The following LRRK1 variants were observed in gnomAD, a reference collection of about 807,000 sequenced individuals.
The protein encoded by LRRK1 is leucine rich repeat kinase 1.
In LRRK1, 113 loss-of-function variants were observed where a neutral mutation model predicts 209.1. The observed-to-expected ratio is 0.54, with a 90% CI of 0.46 to 0.63. LRRK1 has a LOEUF of 0.63. LRRK1 is among the 30% of genes least tolerant of loss of function. The pLI is 0.00. For missense variants in LRRK1, 2,284 were observed against 2,632.2 expected (o/e 0.87, Z 2.89); for synonymous variants, 1,144 against 1,099.7 (o/e 1.04, Z -0.80).
intron 20 of LRRK1, among the ~76,000 whole-genome samples, chr15:101,033,553 A>T (rs552471147): frequency 6.6e-6 from 1 of 152,176 alleles, no homozygotes; most frequent in South Asian, 2.1e-4. Context: ...TATTTCATTT[A>T]ATGTAATGAC....
chr15:100,930,120 G>A (rs910312878), intron 2 of LRRK1, among the ~76,000 whole-genome samples: 1 of 152,224 alleles, frequency 6.6e-6, no homozygotes, highest in African/African-American at 2.4e-5. Flanking sequence ...CCTTTCTGTG[G>A]GCAGCTCTGG....
chr15:101,033,361 C>T (rs915209029), intron 20 of LRRK1, among the ~76,000 whole-genome samples: 2 of 152,136 alleles, frequency 1.3e-5, no homozygotes, highest in Non-Finnish European at 2.9e-5. Flanking sequence ...TGCTATTAAC[C>T]ATTAGAACTT....
intron 24 of LRRK1, among the ~76,000 whole-genome samples, chr15:101,052,527 T>TA (rs1343446063): frequency 2.0e-5 from 3 of 152,302 alleles, no homozygotes; most frequent in South Asian, 4.1e-4. Context: ...AATCTGTTCT[T>TA]AGAGTTTATT....
chr15:101,042,051 C>T (rs1037011847), intron 20 of LRRK1, among the ~76,000 whole-genome samples: 3 of 152,054 alleles, frequency 2.0e-5, no homozygotes, highest in African/African-American at 7.2e-5. Context: ...AGTGTTATTA[C>T]TTTTGCTTTG....
intron 2 of LRRK1, among the ~76,000 whole-genome samples, chr15:100,960,293 T>TTTG (rs2042850614): frequency 2.0e-5 from 3 of 148,916 alleles, no homozygotes; most frequent in Admixed American, 2.0e-4. Context: ...TTTTTTTTTT[T>TTTG]GCATAGTGCT....
At chr15:100,953,531 T>TAG (rs1326137022) in intron 2 of LRRK1, among the ~76,000 whole-genome samples, 30 of 142,004 alleles carry the variant, frequency 2.1e-4, no homozygotes, top group African/African-American at 6.8e-4. Context: ...TATATATATA[T>TAG]ATACACACAT....
chr15:101,010,485 C>T lies in LRRK1; in HGVS notation c.1025C>T (p.Ser342Phe). The T allele has an allele frequency of 6.2e-7, 1 of 1,612,060 alleles. No homozygotes were observed. The highest frequency in any genetic ancestry group is 8.5e-7 in the Non-Finnish European group (1 of 1,179,492). Residue 342 changes from serine to phenylalanine, a missense_variant, in exon 8 of 34, where the codon TCC (serine) becomes TTC (phenylalanine). Physicochemically the swap from Ser to Phe is radical, Grantham distance 155. This residue lies in a region of LRRK1 where 494 missense variants were observed against 522.1 expected (regional missense o/e 0.95). Coordinates refer to ENST00000388948, the MANE Select transcript of LRRK1 (RefSeq NM_024652.6). ...LEIDISSNKL[S>F]HLPPGFLHLS... ...ATTGACATTTCCAGCAACAAGTTGTCCCACCTCCCTCCTGGATTCTTGCAC... is the reference window on the plus strand; with the variant it reads ...ATTGACATTTCCAGCAACAAGTTGTTCCACCTCCCTCCTGGATTCTTGCAC...
chr15:101,065,152 A>G, intron 31 of LRRK1, 200 bp from the exon 32 acceptor site: 1 of 614,580 alleles, frequency 1.6e-6, no homozygotes, highest in Non-Finnish European at 2.8e-6. Flanking sequence ...CAGGGATGGT[A>G]GATATGGCTC....
At chr15:100,956,575 C>T (rs1199961822) in intron 2 of LRRK1, among the ~76,000 whole-genome samples, 1 of 151,104 alleles carries the variant, frequency 6.6e-6, no homozygotes, top group Non-Finnish European at 1.5e-5. Context: ...AAGCAACTCT[C>T]TGCCTCAGCC....
At chr15:100,949,506 G>A (rs947124032) in intron 2 of LRRK1, among the ~76,000 whole-genome samples, 5 of 152,042 alleles carry the variant, frequency 3.3e-5, no homozygotes, top group Admixed American at 1.3e-4. Context: ...AAATATGGAA[G>A]AATACTTCCC....
intron 2 of LRRK1, among the ~76,000 whole-genome samples, chr15:100,952,664 A>G (rs1433343585): frequency 6.6e-6 from 1 of 150,608 alleles, no homozygotes; most frequent in South Asian, 2.1e-4. Context: ...TGATGGAGAC[A>G]GCATTCAATC....
intron 2 of LRRK1, among the ~76,000 whole-genome samples, chr15:100,927,858 A>C (rs917112790): frequency 4.6e-5 from 7 of 152,238 alleles, no homozygotes; most frequent in Non-Finnish European, 8.8e-5. Flanking sequence ...TCACTAACAG[A>C]AGTTATTAAT....
intron 25 of LRRK1, 25 bp downstream of exon 25, chr15:101,053,113 G>A: frequency 6.3e-7 from 1 of 1,596,718 alleles, no homozygotes; most frequent in Non-Finnish European, 8.5e-7. Flanking sequence ...GGTTGGTGCT[G>A]TTTTTCTCAG....
chr15:100,989,608 G>A, intron 6 of LRRK1: 2 of 590,244 alleles, frequency 3.4e-6, no homozygotes, highest in East Asian at 2.8e-5. Context: ...GACTGAGAGA[G>A]GGAAGAACTC....
chr15:100,980,893 A>G (rs933538383), intron 3 of LRRK1, among the ~76,000 whole-genome samples: 1 of 152,210 alleles, frequency 6.6e-6, no homozygotes, highest in Non-Finnish European at 1.5e-5. Context: ...GTGTATTCAA[A>G]TGCCTTGCAT....
chr15:101,051,651 T>G, intron 23 of LRRK1, 60 bp from the exon 24 acceptor site: 1 of 1,428,276 alleles, frequency 7.0e-7, no homozygotes, highest in Non-Finnish European at 9.2e-7. Flanking sequence ...AGAGTGCTGC[T>G]CGGGGGGCCC....
rs748369358 is a variant in LRRK1 at position 100,988,561 on chromosome 15, A to G, written c.434-73A>G. On this transcript the variant is annotated intron_variant, in intron 4 of 33. Coordinates refer to ENST00000388948, the MANE Select transcript of LRRK1 (RefSeq NM_024652.6). ...ACCAGTCCATTGCTACTAGCGGTCTAAGGGAAGAGCAGAGTGGGAACAAAC... is the reference window on the plus strand; with the variant it reads ...ACCAGTCCATTGCTACTAGCGGTCTGAGGGAAGAGCAGAGTGGGAACAAAC... 2.1e-6 allele frequency: 3 copies of G among 1,417,578 alleles called. No individual in the cohort carries two copies. The East Asian group carries it at 6.8e-5, about 32-fold the overall frequency. 87.8% of individuals were successfully genotyped at this position (1,417,578 alleles called of 1,614,324 possible). A position where few individuals can be genotyped will look rare whatever the true frequency, so the allele number is the denominator to read the frequency against.
chr15:101,005,202 C>A (rs1043413175), intron 6 of LRRK1, among the ~76,000 whole-genome samples: 1 of 152,162 alleles, frequency 6.6e-6, no homozygotes, highest in African/African-American at 2.4e-5. Context: ...CCCTGTGGAG[C>A]CTTTTTTGAC....
chr15:100,968,878 C>G (rs1053082026), intron 2 of LRRK1, among the ~76,000 whole-genome samples: 2 of 151,466 alleles, frequency 1.3e-5, no homozygotes, highest in South Asian at 4.2e-4. Flanking sequence ...TTCTGTCACC[C>G]AGGCCAGTGG....
Sources: allele counts gnomAD v4.1 joint callset (sites outside exome capture counted in the v4.1 genomes callset), GRCh38; gene constraint gnomAD v4.1.1; regional missense constraint gnomAD v4.1.1; transcripts MANE v1.5; gene names NCBI Gene and HGNC (gene_info 2026-07-23, HGNC 2026-07-21).